Variants in CSF1R observed in about 807,000 individuals in gnomAD.
CSF1R encodes the protein colony stimulating factor 1 receptor, also known as macrophage colony-stimulating factor 1 receptor.
In CSF1R, 40 loss-of-function variants were observed where a neutral mutation model predicts 110.0. The ratio of observed to expected loss-of-function variants is 0.36; its 90% CI spans 0.28 to 0.47. The LOEUF is 0.47. Ranked by LOEUF, CSF1R falls within the 20% of genes least tolerant of loss-of-function variation. The probability of loss-of-function intolerance (pLI) is 0.99; values close to 1 mark genes in which losing one functional copy is unlikely to be tolerated. For synonymous variants in CSF1R, 523 were observed against 503.4 expected (o/e 1.04, Z -0.52); for missense variants, 1,052 against 1,253.0 (o/e 0.84, Z 2.42).
Position 150,053,379 on chromosome 5 carries a change from T to C in CSF1R, c.*690A>G, listed in dbSNP as rs1162419503. 3 of 234,002 alleles carry C rather than the reference T, an allele frequency of 1.3e-5. No homozygotes were observed. Among genetic ancestry groups the C allele is most frequent in the Non-Finnish European group, 2.5e-5 (3 of 118,360 alleles). The allele number at this position is 234,002 out of a possible 1,614,324, so 14.5% of individuals were successfully genotyped here. On this transcript the variant is annotated 3_prime_UTR_variant, in exon 21 of 21. Transcript: ENST00000675795. ...GGATGAGTCAGCTTGGGGGAGTTTG[T>C]GCTTCCTGCTTGGTGTGGCCAGCCA...
At chr5:150,054,774 GCCAGGAGTTCCAGA>G (rs1481798376) in intron 19 of CSF1R, 5 of 254,324 alleles carry the variant, frequency 2.0e-5, no homozygotes, top group African/African-American at 6.6e-5. Flanking sequence ...ATTGCATAAG[GCCAGGAGTTCCAGA>G]CCAGCCTGGA....
Position 150,080,143 on chromosome 5 carries a change from G to A in CSF1R, c.501C>T (p.Ala167=). 6.2e-7 allele frequency: 1 copy of A among 1,614,078 alleles called. No individual in the cohort carries two copies. The stretch of plus-strand genomic sequence containing the variant: ...GATAGTCCTGGCTCTGAATGAACTT[G>A]GCCCTGTGGATGGTGAAGCCATGCC... ...SPWHGFTIHR[A]KFIQSQDYQC... The change falls in exon 3 of 21, where the codon GCC becomes GCT. Residue 167 remains alanine, a synonymous_variant. Transcript: ENST00000675795.
At chr5:150,074,231 T>G (rs1423552262) in intron 5 of CSF1R, among the ~76,000 whole-genome samples, 1 of 151,460 alleles carries the variant, frequency 6.6e-6, no homozygotes, top group Non-Finnish European at 1.5e-5. Flanking sequence ...TTTTTAGCTA[T>G]AAGGAAAAAA....
In CSF1R at chr5:150,080,804, G is replaced by A; in HGVS notation, c.270C>T (p.Pro90=). 1 of 1,614,134 alleles carries A rather than the reference G, an allele frequency of 6.2e-7. No homozygotes were observed. The highest frequency in any genetic ancestry group is 1.1e-5 in the South Asian group (1 of 91,082). The part of the protein sequence containing the change: ...GTYRCTEPGD[P]LGGSAAIHLY... ...GGTGGATGGCGGCGCTGCCTCCCAG[G>A]GGGTCTCCAGGCTCAGTGCAGCGAT... Residue 90 remains proline (P), a synonymous_variant, in exon 2 of 21, where the codon CCC becomes CCT. Coordinates refer to ENST00000675795, the MANE Select transcript of CSF1R (RefSeq NM_001288705.3).
intron 1 of CSF1R, among the ~76,000 whole-genome samples, chr5:150,097,418 GAAA>G (rs952952402): frequency 6.6e-6 from 1 of 150,576 alleles, no homozygotes; most frequent in Non-Finnish European, 1.5e-5. Context: ...AAAGAAAAAA[GAAA>G]GAAAGAAAAG....
chr5:150,077,252 G>T, intron 5 of CSF1R, 24 bp downstream of exon 5: 1 of 1,614,044 alleles, frequency 6.2e-7, no homozygotes, highest in Non-Finnish European at 8.5e-7. Context: ...CCTACCGACT[G>T]TCCACCACCA....
At chr5:150,071,228 G>A (rs1265800248) in intron 6 of CSF1R, among the ~76,000 whole-genome samples, 1 of 152,092 alleles carries the variant, frequency 6.6e-6, no homozygotes, top group African/African-American at 2.4e-5. Flanking sequence ...AAAAGGCCCT[G>A]GAGCAAAAAC....
chr5:150,112,086 G>C lies in CSF1R; in HGVS notation c.-181+1175C>G, dbSNP rs1759736889. ...CTACGTTAACCTTTGTATGGAAAATGTAATTGTGTTACCCACCCGTTTCTG... is the reference window on the plus strand; with the variant it reads ...CTACGTTAACCTTTGTATGGAAAATCTAATTGTGTTACCCACCCGTTTCTG... On this transcript the variant is annotated intron_variant, in intron 1 of 21. Coordinates refer to the CSF1R transcript ENST00000286301. 2.0e-5 allele frequency among the ~76,000 whole-genome samples: 3 copies of C among 150,780 alleles called. No individual in the cohort carries two copies. The South Asian group carries it at 6.3e-4, about 32-fold the overall frequency.
At position 150,054,151 on chromosome 5, in the gene CSF1R, C is replaced by T; in HGVS notation, c.2837G>A (p.Ser946Asn). 1 of 1,613,690 alleles carries T rather than the reference C, an allele frequency of 6.2e-7. No homozygotes were observed. The highest frequency in any genetic ancestry group is 1.1e-5 in the South Asian group (1 of 90,984). Residue 946 changes from serine (S) to asparagine (N), a missense_variant, in exon 21 of 21, where the codon AGC (serine) becomes AAC (asparagine). Physicochemically the swap from Ser to Asn is conservative, Grantham distance 46. Around this residue, in one of 5 missense-constraint regions of CSF1R, gnomAD observed 85 missense variants for 78.8 expected, o/e 1.08. Transcript: ENST00000675795. ...GCAGCAGGTCAGGTGCTCACTAGAG[C>T]TCTCCTCCTCCAGCTCACTGCTGCT... Reference protein sequence around the residue: ...GSSSSELEEESSSEHLTCCEQ... With the variant: ...GSSSSELEEENSSEHLTCCEQ...
intron 12 of CSF1R, 37 bp from the exon 13 acceptor site, chr5:150,061,009 G>A (rs1448995922): frequency 6.9e-7 from 1 of 1,454,180 alleles, no homozygotes; most frequent in South Asian, 1.2e-5. Context: ...GACAGGGAGA[G>A]GGCAGGACAG....
At chr5:150,070,401 C>T (rs2113809697) in intron 7 of CSF1R, 55 bp downstream of exon 7, 1 of 1,571,330 alleles carries the variant, frequency 6.4e-7, no homozygotes, top group African/African-American at 1.4e-5. Context: ...CAACCCCATC[C>T]CTCCAGGCAG....
intron 1 of CSF1R, among the ~76,000 whole-genome samples, chr5:150,106,152 G>T (rs1203355357): frequency 6.6e-6 from 1 of 152,246 alleles, no homozygotes; most frequent in Non-Finnish European, 1.5e-5. Context: ...ATGGGACTCA[G>T]TGGGGTAAGC....
At chr5:150,060,391 A>G (rs1056076275) in intron 13 of CSF1R, among the ~76,000 whole-genome samples, 2 of 152,098 alleles carry the variant, frequency 1.3e-5, no homozygotes, top group East Asian at 3.9e-4. Context: ...CCCAAGAATT[A>G]TTTCTTCAAA....
At chr5:150,076,228 A>G (rs1758251773) in intron 5 of CSF1R, among the ~76,000 whole-genome samples, 1 of 151,970 alleles carries the variant, frequency 6.6e-6, no homozygotes, top group Non-Finnish European at 1.5e-5. Context: ...TTCCCACCCA[A>G]CCCACATGGT....
At position 150,053,850 on chromosome 5, in the gene CSF1R, C is replaced by G; in HGVS notation, c.*219G>C. ...ACAGTAGGGGAGGGGGGGGTGAGGGCTCAGCCCCCAGCCCCTGACTGGCAG... is the reference window on the plus strand; with the variant it reads ...ACAGTAGGGGAGGGGGGGGTGAGGGGTCAGCCCCCAGCCCCTGACTGGCAG... On this transcript the variant is annotated 3_prime_UTR_variant, in exon 21 of 21. Transcript: ENST00000675795. The G allele has an allele frequency of 3.3e-6, 2 of 597,866 alleles. No individual in the cohort carries two copies. The highest frequency in any genetic ancestry group is 2.8e-5 in the East Asian group (1 of 35,436). The allele number at this position is 597,866 out of a possible 1,614,324, so 37.0% of individuals were successfully genotyped here.
rs774348652 is a variant in CSF1R, at chr5:150,057,307, C to T, written c.2299G>A (p.Ala767Thr). 1 of 1,613,652 alleles carries T rather than the reference C, an allele frequency of 6.2e-7. No individual in the cohort carries two copies. The highest frequency in any genetic ancestry group is 8.5e-7 in the Non-Finnish European group (1 of 1,179,996). The change falls in exon 16 of 21, where the codon GCC (alanine) becomes ACC (threonine). Residue 767 changes from alanine (A) to threonine (T), a missense_variant. Physicochemically the swap from Ala to Thr is moderately conservative, Grantham distance 58 (BLOSUM62 0). Around this residue, in one of 5 missense-constraint regions of CSF1R, gnomAD observed 124 missense variants for 117.7 expected, o/e 1.05. Coordinates refer to ENST00000675795, the MANE Select transcript of CSF1R (RefSeq NM_001288705.3). ...CTCACATTCTTGGAAGCGAGGAAGGCCATGCCCTGGGCTACTTGGCTGGAG... is the reference window on the plus strand; with the variant it reads ...CTCACATTCTTGGAAGCGAGGAAGGTCATGCCCTGGGCTACTTGGCTGGAG... ...HFSSQVAQGM[A>T]FLASKNCIHR...
chr5:150,106,835 A>G (rs1375015903), intron 1 of CSF1R, among the ~76,000 whole-genome samples: 1 of 152,048 alleles, frequency 6.6e-6, no homozygotes, highest in Non-Finnish European at 1.5e-5. Flanking sequence ...CTGGCCCATA[A>G]GCCTCCCTTT....
At chr5:150,085,277 G>GAAAAAAAAAGAAAAAAAAA (rs1758787110) in intron 1 of CSF1R, among the ~76,000 whole-genome samples, 1 of 92,470 alleles carries the variant, frequency 1.1e-5, no homozygotes, top group Non-Finnish European at 2.0e-5. Context: ...TCTGTCTCAG[G>GAAAAAAAAAGAAAAAAAAA]AAAAAAAAAA....
chr5:150,108,219 G>A (rs1009102799), intron 1 of CSF1R, among the ~76,000 whole-genome samples: 24 of 152,204 alleles, frequency 1.6e-4, no homozygotes, highest in East Asian at 5.8e-4. Context: ...AAAGGAATGC[G>A]AAGAGAAATC....
Sources: allele counts gnomAD v4.1 joint callset (sites outside exome capture counted in the v4.1 genomes callset), GRCh38; gene constraint gnomAD v4.1.1; regional missense constraint gnomAD v4.1.1; transcripts MANE v1.5; gene names NCBI Gene and HGNC (gene_info 2026-07-23, HGNC 2026-07-21).